NEDD4L: variants seen among roughly 807,000 people sequenced by gnomAD.
NEDD4L encodes E3 ubiquitin-protein ligase NEDD4-like.
Under a neutral mutation model 148.9 loss-of-function variants are expected in NEDD4L, and 54 were observed. The observed-to-expected ratio is 0.36, with a 90% confidence interval of 0.29 to 0.45. The LOEUF is 0.45. Among genes scored for constraint, NEDD4L ranks in the 20% least tolerant of loss-of-function variants. NEDD4L has a pLI of 1.00. For synonymous variants in NEDD4L, 433 were observed against 440.7 expected (o/e 0.98, Z 0.22); for missense variants, 856 against 1,233.8 (o/e 0.69, Z 4.59).
chr18:58,191,538 A>G (rs1020825401), intron 2 of NEDD4L, among the ~76,000 whole-genome samples: 1 of 152,220 alleles, frequency 6.6e-6, no homozygotes, highest in African/African-American at 2.4e-5. Context: ...GCTCTGCTAT[A>G]ATAGGTAAAT....
intron 13 of NEDD4L, chr18:58,336,090 CA>C (rs1394556927): frequency 6.5e-6 from 1 of 152,756 alleles, no homozygotes; most frequent in Non-Finnish European, 1.5e-5. Flanking sequence ...TCCAAGGGAA[CA>C]TAATTAGGAT....
intron 5 of NEDD4L, among the ~76,000 whole-genome samples, chr18:58,286,834 G>A (rs1042342719): frequency 2.6e-5 from 4 of 152,186 alleles, no homozygotes; most frequent in South Asian, 4.1e-4. Flanking sequence ...ATCCTGACCC[G>A]GGAGGCGCTC....
intron 18 of NEDD4L, among the ~76,000 whole-genome samples, chr18:58,355,740 T>G (rs551353289): frequency 6.6e-6 from 1 of 152,108 alleles, no homozygotes; most frequent in South Asian, 2.1e-4. Flanking sequence ...TTGAGATTTT[T>G]CATGTAAATT....
chr18:58,242,729 C>T (rs1400057331), intron 2 of NEDD4L, among the ~76,000 whole-genome samples: 2 of 152,122 alleles, frequency 1.3e-5, no homozygotes, highest in Admixed American at 6.5e-5. Context: ...TGGTCTTGAA[C>T]CCCCGGGCTC....
intron 1 of NEDD4L, among the ~76,000 whole-genome samples, chr18:58,147,492 C>T (rs2034218673): frequency 1.3e-5 from 2 of 152,200 alleles, no homozygotes; most frequent in South Asian, 4.1e-4. Flanking sequence ...CTTAGAGCTG[C>T]CTGAGCTTGG....
chr18:58,359,219 C>T (rs546932348), intron 19 of NEDD4L, among the ~76,000 whole-genome samples: 4 of 152,118 alleles, frequency 2.6e-5, no homozygotes, highest in Admixed American at 2.0e-4. Flanking sequence ...TTCGTATTTG[C>T]TGTTTAGCAT....
intron 19 of NEDD4L, among the ~76,000 whole-genome samples, chr18:58,358,927 T>C (rs2045091797): frequency 6.6e-6 from 1 of 152,202 alleles, no homozygotes; most frequent in South Asian, 2.1e-4. Context: ...TAATATTGTC[T>C]AGAGAATATT....
At chr18:58,304,498 A>G (rs780874854) in intron 5 of NEDD4L, among the ~76,000 whole-genome samples, 12 of 152,196 alleles carry the variant, frequency 7.9e-5, no homozygotes, top group Non-Finnish European at 1.3e-4. Flanking sequence ...TGGGCAACAT[A>G]ACAAGACTCT....
intron 2 of NEDD4L, among the ~76,000 whole-genome samples, chr18:58,173,121 G>C (rs933216430): frequency 6.6e-6 from 1 of 152,096 alleles, no homozygotes; most frequent in African/African-American, 2.4e-5. Context: ...TCTTTTTTCA[G>C]TAAGCTGGAG....
At chr18:58,282,821 T>A (rs7239848) in intron 5 of NEDD4L, among the ~76,000 whole-genome samples, 10,994 of 152,260 alleles carry the variant, frequency 0.072, 1,282 homozygotes, top group African/African-American at 0.25. Flanking sequence ...TTCCCGTCTG[T>A]ATCAGTCAAG....
At chr18:58,167,353 C>T (rs1475617267) in intron 2 of NEDD4L, among the ~76,000 whole-genome samples, 14 of 152,198 alleles carry the variant, frequency 9.2e-5, no homozygotes, top group Admixed American at 9.2e-4. Flanking sequence ...CCTTTCAGAG[C>T]AACACTTTCA....
At chr18:58,139,720 G>A (rs990188895) in intron 1 of NEDD4L, among the ~76,000 whole-genome samples, 2 of 152,188 alleles carry the variant, frequency 1.3e-5, no homozygotes, top group African/African-American at 4.8e-5. Context: ...AGAGGCAGCT[G>A]TGCCTGAGGA....
intron 2 of NEDD4L, among the ~76,000 whole-genome samples, chr18:58,223,691 G>A (rs1399788985): frequency 6.6e-6 from 1 of 152,200 alleles, no homozygotes; most frequent in East Asian, 1.9e-4. Flanking sequence ...ATGATGTAGT[G>A]TGCTAGTAAC....
intron 1 of NEDD4L, among the ~76,000 whole-genome samples, chr18:58,115,481 C>T (rs1164374203): frequency 6.6e-6 from 1 of 152,068 alleles, no homozygotes; most frequent in African/African-American, 2.4e-5. Flanking sequence ...TCAGAGGGAA[C>T]CCAGGAGTCC....
At chr18:58,320,568 C>A (rs2058687100) in intron 6 of NEDD4L, among the ~76,000 whole-genome samples, 1 of 152,204 alleles carries the variant, frequency 6.6e-6, no homozygotes, top group African/African-American at 2.4e-5. Flanking sequence ...AATCCCAGCA[C>A]TTTGGGAGGC....
chr18:58,153,797 C>T (rs1331740247), intron 1 of NEDD4L, among the ~76,000 whole-genome samples: 1 of 152,004 alleles, frequency 6.6e-6, no homozygotes, highest in African/African-American at 2.4e-5. Context: ...CAGGCGCCCG[C>T]CACCACGCCT....
chr18:58,200,226 A>G lies in NEDD4L; in HGVS notation c.122+34365A>G, dbSNP rs575022311. Among the ~76,000 whole-genome samples, 21 of 152,294 alleles carry G rather than the reference A, an allele frequency of 1.4e-4. No individual in the cohort carries two copies. In the South Asian group the frequency reaches 4.4e-3, roughly 32 times the overall value. On this transcript the variant is annotated intron_variant, in intron 2 of 30. Coordinates refer to ENST00000400345, the MANE Select transcript of NEDD4L (RefSeq NM_001144967.3). ...AAACCATATTATGTGATTTTAATTT[A>G]TTTTCCATTGCATTCACTAACTCAT...
chr18:58,256,435 G>A lies in NEDD4L; in HGVS notation c.297+4381G>A. ...GCAGCGACCTCAACTTTGGCTTCACGGGCACAAAGGGGGACAGGTTGGTGA... is the reference window on the plus strand; with the variant it reads ...GCAGCGACCTCAACTTTGGCTTCACAGGCACAAAGGGGGACAGGTTGGTGA... On this transcript the variant is annotated intron_variant, in intron 5 of 30. Transcript: ENST00000400345. This position sits in a 1 kb window ranked among gnomAD's most constrained non-coding sequence, Gnocchi z 5.2. 8.1e-7 allele frequency: 1 copy of A among 1,232,292 alleles called. No homozygotes were observed. The highest frequency in any genetic ancestry group is 1.0e-6 in the Non-Finnish European group (1 of 988,076). The allele number at this position is 1,232,292 out of a possible 1,614,324, so 76.3% of individuals were successfully genotyped here. A position where few individuals can be genotyped will look rare whatever the true frequency, so the allele number is the denominator to read the frequency against.
intron 1 of NEDD4L, among the ~76,000 whole-genome samples, chr18:58,062,755 G>A (rs1426943725): frequency 6.6e-6 from 1 of 152,206 alleles, no homozygotes; most frequent in Admixed American, 6.5e-5. Flanking sequence ...TTGAGAGGCT[G>A]AGGCAGGCAG....
Sources: allele counts gnomAD v4.1 joint callset (sites outside exome capture counted in the v4.1 genomes callset), GRCh38; gene constraint gnomAD v4.1.1; non-coding constraint Gnocchi (gnomAD v3.1); transcripts MANE v1.5; gene names NCBI Gene and HGNC (gene_info 2026-07-23, HGNC 2026-07-21).